ZMIZ1: variants seen among roughly 807,000 people sequenced by gnomAD.
ZMIZ1 encodes the protein zinc finger MIZ-type containing 1, also known as zinc finger MIZ domain-containing protein 1.
ZMIZ1 carries 17 observed loss-of-function variants against 113.9 expected under a neutral mutation model. The observed-to-expected ratio is 0.15, with a 90% confidence interval of 0.10 to 0.22. The LOEUF (loss-of-function observed/expected upper bound fraction) is 0.22. Ranked by LOEUF, ZMIZ1 falls within the 10% of genes least tolerant of loss-of-function variation. ZMIZ1 has a pLI of 1.00. For synonymous variants in ZMIZ1, 607 were observed against 603.1 expected, an observed-to-expected ratio of 1.01 and a Z score of -0.09; for missense variants, 1,059 against 1,477.8, an observed-to-expected ratio of 0.72 and a Z score of 4.65.
At chr10:79,297,831 G>T (rs919507782) in intron 14 of ZMIZ1, 141 bp downstream of exon 14, 9 of 682,924 alleles carry the variant, frequency 1.3e-5, no homozygotes, top group Non-Finnish European at 2.3e-5. Context: ...CTGTCCTGGG[G>T]ACAGAGATGC....
chr10:79,147,775 A>G (rs1202507445), intron 3 of ZMIZ1, among the ~76,000 whole-genome samples: 1 of 152,164 alleles, frequency 6.6e-6, no homozygotes, highest in Non-Finnish European at 1.5e-5. Flanking sequence ...CCTCTCATGG[A>G]CCAAGCAGGT....
intron 1 of ZMIZ1, among the ~76,000 whole-genome samples, chr10:79,090,125 G>T (rs1471688598): frequency 2.0e-5 from 3 of 152,200 alleles, no homozygotes; most frequent in Admixed American, 1.3e-4. Context: ...TAGAATGTAA[G>T]TGGGGACCCA....
chr10:79,137,104 T>G (rs1845042138), intron 2 of ZMIZ1, among the ~76,000 whole-genome samples: 1 of 152,210 alleles, frequency 6.6e-6, no homozygotes. Flanking sequence ...CCTCCAAAAT[T>G]GTATAAGCCT....
chr10:79,087,012 T>G (rs1219360329), intron 1 of ZMIZ1, among the ~76,000 whole-genome samples: 1 of 152,228 alleles, frequency 6.6e-6, no homozygotes, highest in Non-Finnish European at 1.5e-5. Flanking sequence ...CTGCTTTGGT[T>G]GTTCTTTGTT....
chr10:79,201,713 A>C (rs770219842), intron 5 of ZMIZ1, 21 bp downstream of exon 5: 2 of 1,609,540 alleles, frequency 1.2e-6, no homozygotes, highest in Non-Finnish European at 1.7e-6. Flanking sequence ...GGCAAGGCAC[A>C]CTCCGAGGGC....
At chr10:79,082,281 G>C (rs1326552775) in intron 1 of ZMIZ1, among the ~76,000 whole-genome samples, 1 of 152,246 alleles carries the variant, frequency 6.6e-6, no homozygotes, top group South Asian at 2.1e-4. Flanking sequence ...CTGCCCTATA[G>C]CAGGACACTT....
Position 79,070,930 on chromosome 10 carries a change from G to A in ZMIZ1, c.-337+1660G>A, listed in dbSNP as rs1415770868. Among the ~76,000 whole-genome samples the A allele has an allele frequency of 4.0e-5, 6 of 151,850 alleles. No individual in the cohort carries two copies. In the South Asian group the frequency reaches 6.2e-4, roughly 16 times the overall value. On this transcript the variant is annotated intron_variant, in intron 1 of 24. Transcript: ENST00000334512. ...TGCTTTTCCAATGCCCTGACATGAG[G>A]GAGGAAGATTTAACTTGGCAGCCCA...
At chr10:79,120,436 C>T (rs1373806056) in intron 2 of ZMIZ1, among the ~76,000 whole-genome samples, 1 of 152,222 alleles carries the variant, frequency 6.6e-6, no homozygotes, top group Non-Finnish European at 1.5e-5. Flanking sequence ...GTCGATGGCT[C>T]TGCATCGGCA....
chr10:79,216,049 C>G (rs1187915077), intron 6 of ZMIZ1, 120 bp from the exon 7 acceptor site: 4 of 544,208 alleles, frequency 7.4e-6, no homozygotes, highest in Non-Finnish European at 9.2e-6. Context: ...ACTTCTGGCT[C>G]TGCCTAATGA....
intron 7 of ZMIZ1, among the ~76,000 whole-genome samples, chr10:79,236,336 C>T (rs375333817): frequency 5.9e-5 from 9 of 152,298 alleles, no homozygotes; most frequent in African/African-American, 1.9e-4. Context: ...GGAGGTGTGC[C>T]GCACAGCCAG....
intron 2 of ZMIZ1, among the ~76,000 whole-genome samples, chr10:79,137,325 G>A (rs113010255): frequency 3.3e-5 from 5 of 152,234 alleles, no homozygotes; most frequent in African/African-American, 1.2e-4. Flanking sequence ...GATGGAGGGA[G>A]CTCTGAGGGA....
intron 7 of ZMIZ1, among the ~76,000 whole-genome samples, chr10:79,253,268 CG>C (rs1383824831): frequency 6.6e-5 from 10 of 152,270 alleles, no homozygotes; most frequent in African/African-American, 2.4e-4. Flanking sequence ...TCCACTAGGA[CG>C]TGTGGGGGTC....
At chr10:79,108,535 G>A (rs950953098) in intron 1 of ZMIZ1, among the ~76,000 whole-genome samples, 2 of 152,144 alleles carry the variant, frequency 1.3e-5, no homozygotes, top group African/African-American at 4.8e-5. Flanking sequence ...AGAAAGGTGG[G>A]ATGGGGAAGA....
intron 7 of ZMIZ1, among the ~76,000 whole-genome samples, chr10:79,275,366 G>T (rs1852214559): frequency 6.6e-6 from 1 of 151,930 alleles, no homozygotes; most frequent in Admixed American, 6.6e-5. Context: ...CATCCACCAG[G>T]CCCCCTCCTG....
chr10:79,079,647 T>C (rs993099802), intron 1 of ZMIZ1, among the ~76,000 whole-genome samples: 7 of 149,746 alleles, frequency 4.7e-5, no homozygotes, highest in Non-Finnish European at 8.9e-5. Flanking sequence ...GCCGGGGGGG[T>C]CCAGGGAATG....
At chr10:79,264,939 G>A (rs1483070706) in intron 7 of ZMIZ1, among the ~76,000 whole-genome samples, 2 of 152,196 alleles carry the variant, frequency 1.3e-5, no homozygotes, top group Non-Finnish European at 2.9e-5. Flanking sequence ...GTGTGAGGTG[G>A]CAGGGAATTT....
At chr10:79,161,661 C>A (rs888298902) in intron 3 of ZMIZ1, among the ~76,000 whole-genome samples, 1 of 152,216 alleles carries the variant, frequency 6.6e-6, no homozygotes, top group Admixed American at 6.5e-5. Flanking sequence ...TCATTTGATT[C>A]TTTGCTCTCG....
intron 7 of ZMIZ1, chr10:79,243,745 G>T: frequency 1.1e-5 from 3 of 264,420 alleles, no homozygotes; most frequent in South Asian, 8.3e-5. Context: ...CTAGGTAAGT[G>T]CGGGGTCGGA....
At chr10:79,216,329 A>G in intron 7 of ZMIZ1, 55 bp downstream of exon 7, 2 of 1,482,200 alleles carry the variant, frequency 1.3e-6, no homozygotes. Context: ...AGGGGAACTG[A>G]CTATAAACCA....
Sources: gnomAD v4.1 joint callset for allele counts (sites outside exome capture counted in the v4.1 genomes callset) on GRCh38, gnomAD v4.1.1 for gene constraint, MANE v1.5 for transcripts, NCBI Gene and HGNC (gene_info 2026-07-23, HGNC 2026-07-21) for gene names.